The following WDPCP variants were observed in gnomAD, a reference collection of about 807,000 sequenced individuals.
WDPCP encodes WD repeat-containing and planar cell polarity effector protein fritz homolog.
Under a neutral mutation model 93.1 loss-of-function variants are expected in WDPCP, and 71 were observed. The ratio of observed to expected loss-of-function variants is 0.76; its 90% confidence interval spans 0.63 to 0.93. WDPCP has a LOEUF of 0.93. Among genes scored for constraint, WDPCP ranks in the 40% least tolerant of loss-of-function variants. The pLI is 0.00. For missense variants in WDPCP, 844 were observed against 887.4 expected, an observed-to-expected ratio of 0.95 and a Z score of 0.62; for synonymous variants, 315 against 315.0, an observed-to-expected ratio of 1.00 and a Z score of 0.00.
Position 63,588,457 on chromosome 2 carries a change from G to C in WDPCP, c.-186C>G, listed in dbSNP as rs1709036911. ...TCGTCGCTTAGCAACCTGAGAAGCTGTCCGGTCGTCCCAACTTATCAATTC... is the reference window on the plus strand; with the variant it reads ...TCGTCGCTTAGCAACCTGAGAAGCTCTCCGGTCGTCCCAACTTATCAATTC... On this transcript the variant is annotated 5_prime_UTR_variant, in exon 1 of 18. Transcript: ENST00000272321. The C allele has an allele frequency of 2.9e-6, 2 of 695,732 alleles. No individual in the cohort carries two copies. Among genetic ancestry groups the C allele is most frequent in the Non-Finnish European group, 2.6e-6 (1 of 383,098 alleles). The allele number at this position is 695,732 out of a possible 1,614,324, so 43.1% of individuals were successfully genotyped here.
intron 2 of WDPCP, among the ~76,000 whole-genome samples, chr2:63,686,918 G>A (rs1211060256): frequency 7.3e-6 from 1 of 137,374 alleles, no homozygotes; most frequent in Non-Finnish European, 1.6e-5. Flanking sequence ...TCCATATTCA[G>A]ATAGACCCCT....
In WDPCP at chr2:63,279,406, G is replaced by A. The variant is rs944231161; in HGVS notation, c.1813-19997C>T. Reference sequence around the variant, plus strand: ...GCAGAAAAAGGATTAGACAAAATCCGGCATCCCATTAGGATTAAACCTTCA... The same window carrying A: ...GCAGAAAAAGGATTAGACAAAATCCAGCATCCCATTAGGATTAAACCTTCA... On this transcript the variant is annotated intron_variant, in intron 13 of 17. Transcript: ENST00000272321. Among the ~76,000 whole-genome samples, 12 of 152,062 alleles carry A rather than the reference G, an allele frequency of 7.9e-5. No individual in the cohort carries two copies. The South Asian group carries it at 1.5e-3, about 18-fold the overall frequency.
At chr2:63,643,383 A>AT in intron 3 of WDPCP, 1 of 357,498 alleles carries the variant, frequency 2.8e-6, no homozygotes, top group Non-Finnish European at 5.4e-6. Context: ...CAATAACAAA[A>AT]ATGTTGGAAA....
In WDPCP at chr2:63,495,185, T is replaced by C. The variant is rs139738797; in HGVS notation, c.76-2245A>G. The stretch of plus-strand genomic sequence containing the variant: ...GTATACAGGTATGAAGTTGGAAAGC[T>C]AGTGGAATGCATTACTAAGAGAAAG... On this transcript the variant is annotated intron_variant, in intron 1 of 17. Transcript: ENST00000272321. 1.0e-2 allele frequency among the ~76,000 whole-genome samples: 1,522 copies of C among 152,216 alleles called. 15 individuals are homozygous for C. Among genetic ancestry groups the C allele is most frequent in the Non-Finnish European group, 0.016 (1,061 of 68,008 alleles).
At chr2:63,421,641 C>T (rs767532848) in intron 9 of WDPCP, among the ~76,000 whole-genome samples, 4 of 152,122 alleles carry the variant, frequency 2.6e-5, no homozygotes, top group Non-Finnish European at 5.9e-5. Context: ...ACCATAAACA[C>T]GGCATCCCTA....
chr2:63,639,293 C>A (rs1709954985), intron 3 of WDPCP, among the ~76,000 whole-genome samples: 1 of 152,138 alleles, frequency 6.6e-6, no homozygotes, highest in Non-Finnish European at 1.5e-5. Context: ...CAAACATGCG[C>A]CATCATGCTT....
the WDPCP span, among the ~76,000 whole-genome samples, chr2:63,835,143 T>G: frequency 6.6e-6 from 1 of 151,942 alleles, no homozygotes; most frequent in African/African-American, 2.4e-5. Flanking sequence ...TCCCAGCACT[T>G]TGGGAGGCCG....
intron 2 of WDPCP, among the ~76,000 whole-genome samples, chr2:63,774,822 C>T (rs148188647): frequency 4.7e-4 from 71 of 152,224 alleles, no homozygotes; most frequent in African/African-American, 1.7e-3. Context: ...TTTTCATTTT[C>T]GTAGACTGTT....
chr2:63,262,369 C>A (rs1681706445), intron 13 of WDPCP, among the ~76,000 whole-genome samples: 1 of 152,052 alleles, frequency 6.6e-6, no homozygotes, highest in Non-Finnish European at 1.5e-5. Context: ...ATGAAGATTT[C>A]AATTCTGACC....
At chr2:63,307,030 C>A (rs1685795632) in intron 13 of WDPCP, among the ~76,000 whole-genome samples, 1 of 152,178 alleles carries the variant, frequency 6.6e-6, no homozygotes, top group African/African-American at 2.4e-5. Flanking sequence ...AGCTGATAAG[C>A]AACTTCAGCA....
intron 17 of WDPCP, among the ~76,000 whole-genome samples, chr2:63,145,693 C>T (rs1275694418): frequency 2.0e-5 from 3 of 152,078 alleles, no homozygotes; most frequent in African/African-American, 7.2e-5. Context: ...CTCCCAGCTG[C>T]AAAAGAAAAG....
At chr2:63,665,929 T>G (rs1298898199) in intron 2 of WDPCP, among the ~76,000 whole-genome samples, 1 of 152,254 alleles carries the variant, frequency 6.6e-6, no homozygotes, top group Non-Finnish European at 1.5e-5. Context: ...TATGGTTTGG[T>G]GGTGTCACTT....
intron 9 of WDPCP, among the ~76,000 whole-genome samples, chr2:63,432,784 G>A (rs770246173): frequency 1.3e-5 from 2 of 152,120 alleles, no homozygotes; most frequent in African/African-American, 2.4e-5. Context: ...TAGAGACCTC[G>A]AGGTGACCTA....
intron 15 of WDPCP, among the ~76,000 whole-genome samples, chr2:63,159,160 A>C (rs1672479408): frequency 6.6e-6 from 1 of 151,724 alleles, no homozygotes; most frequent in African/African-American, 2.4e-5. Flanking sequence ...TATCTCAAAA[A>C]AAAACTTTTT....
At chr2:63,526,420 AT>A (rs902793557) in intron 1 of WDPCP, among the ~76,000 whole-genome samples, 1 of 152,166 alleles carries the variant, frequency 6.6e-6, no homozygotes, top group Non-Finnish European at 1.5e-5. Context: ...TTGAAAAGGA[AT>A]TTTTTAAAGG....
intron 2 of WDPCP, among the ~76,000 whole-genome samples, chr2:63,687,978 C>T (rs977781503): frequency 6.6e-6 from 1 of 152,194 alleles, no homozygotes; most frequent in African/African-American, 2.4e-5. Flanking sequence ...AAATGCGGTA[C>T]TTACATACAA....
intron 2 of WDPCP, among the ~76,000 whole-genome samples, chr2:63,678,900 C>T (rs1291077425): frequency 2.0e-5 from 3 of 152,314 alleles, no homozygotes; most frequent in Middle Eastern, 3.4e-3. Context: ...GTGGCCGGAG[C>T]TACCTGATCC....
intron 1 of WDPCP, among the ~76,000 whole-genome samples, chr2:63,516,124 T>G (rs1702538441): frequency 1.3e-5 from 2 of 152,136 alleles, no homozygotes; most frequent in Admixed American, 6.5e-5. Flanking sequence ...TCTGTCTAAT[T>G]CCAAAGCCCA....
At chr2:63,154,454 C>T (rs1000058489) in intron 15 of WDPCP, among the ~76,000 whole-genome samples, 4 of 152,132 alleles carry the variant, frequency 2.6e-5, no homozygotes, top group Admixed American at 2.6e-4. Flanking sequence ...CCCTGATATT[C>T]ATCCAAGTTG....
Sources: allele counts gnomAD v4.1 joint callset (sites outside exome capture counted in the v4.1 genomes callset), GRCh38; gene constraint gnomAD v4.1.1; transcripts MANE v1.5; gene names NCBI Gene and HGNC (gene_info 2026-07-23, HGNC 2026-07-21).